The following PDE4B variants were observed in gnomAD, a reference collection of about 807,000 sequenced individuals.
PDE4B encodes the protein 3',5'-cyclic-AMP phosphodiesterase 4B.
In PDE4B, 20 loss-of-function variants were observed where a neutral mutation model predicts 82.2. The ratio of observed to expected loss-of-function variants is 0.24; its 90% confidence interval spans 0.17 to 0.35. The LOEUF (loss-of-function observed/expected upper bound fraction) is 0.35, where lower values mean the gene tolerates loss of function less well. Among genes scored for constraint, PDE4B ranks in the 10% least tolerant of loss-of-function variants. The pLI is 1.00. For synonymous variants in PDE4B, 320 were observed against 318.9 expected, an observed-to-expected ratio of 1.00 and a Z score of -0.04; for missense variants, 655 against 907.2, an observed-to-expected ratio of 0.72 and a Z score of 3.57.
chr1:65,991,570 G>A (rs557382034), intron 3 of PDE4B, among the ~76,000 whole-genome samples: 4 of 151,996 alleles, frequency 2.6e-5, no homozygotes, highest in South Asian at 2.1e-4. Flanking sequence ...AATCATTGCC[G>A]GTATAGACTT....
chr1:66,039,489 T>G (rs12565528), intron 3 of PDE4B, among the ~76,000 whole-genome samples: 7,628 of 152,142 alleles, frequency 0.05, 566 homozygotes, highest in East Asian at 0.36. Flanking sequence ...TTTCCCATTC[T>G]TAGTGGCTGT....
intron 8 of PDE4B, among the ~76,000 whole-genome samples, chr1:66,334,982 A>T (rs544601182): frequency 5.8e-4 from 88 of 152,260 alleles, no homozygotes; most frequent in African/African-American, 2.0e-3. Flanking sequence ...TGGGAACTGA[A>T]TTATCCATGG....
intron 8 of PDE4B, among the ~76,000 whole-genome samples, chr1:66,337,889 G>A (rs79717292): frequency 0.038 from 5,841 of 152,252 alleles, 371 homozygotes; most frequent in African/African-American, 0.13. Context: ...AAAGTGAAAA[G>A]AGCCTAGGAA....
chr1:66,307,302 G>A (rs1238375406), intron 7 of PDE4B, among the ~76,000 whole-genome samples: 1 of 152,156 alleles, frequency 6.6e-6, no homozygotes, highest in African/African-American at 2.4e-5. Context: ...GTAGGTAGAA[G>A]CAATGAAAGC....
intron 3 of PDE4B, among the ~76,000 whole-genome samples, chr1:66,121,052 A>G (rs2101078441): frequency 6.6e-6 from 1 of 152,288 alleles, no homozygotes; most frequent in South Asian, 2.1e-4. Flanking sequence ...TCCACTCTCT[A>G]AAAACCAATC....
chr1:66,089,592 GT>G (rs573244011), intron 3 of PDE4B, among the ~76,000 whole-genome samples: 214 of 151,188 alleles, frequency 1.4e-3, no homozygotes, highest in African/African-American at 4.7e-3. Context: ...GGATACAGAG[GT>G]TTTTTTTTCA....
At chr1:65,922,929 A>G (rs1234570611) in intron 3 of PDE4B, among the ~76,000 whole-genome samples, 2 of 152,184 alleles carry the variant, frequency 1.3e-5, no homozygotes, top group Admixed American at 1.3e-4. Context: ...GGAGTATACC[A>G]GTACTAACTT....
At chr1:66,224,539 T>C (rs1223830417) in intron 3 of PDE4B, among the ~76,000 whole-genome samples, 1 of 152,086 alleles carries the variant, frequency 6.6e-6, no homozygotes, top group Admixed American at 6.6e-5. Flanking sequence ...GGCAACATAG[T>C]GAAACCCCGT....
At chr1:66,325,992 T>C (rs1659724159) in intron 7 of PDE4B, among the ~76,000 whole-genome samples, 1 of 152,196 alleles carries the variant, frequency 6.6e-6, no homozygotes, top group Non-Finnish European at 1.5e-5. Flanking sequence ...TTATGATTTA[T>C]AAACAGCTGG....
intron 1 of PDE4B, among the ~76,000 whole-genome samples, chr1:65,815,992 G>T (rs72931395): frequency 0.017 from 2,533 of 152,148 alleles, 69 homozygotes; most frequent in African/African-American, 0.058. Flanking sequence ...AATAACAACT[G>T]CTTGGCTCGG....
intron 3 of PDE4B, among the ~76,000 whole-genome samples, chr1:66,107,168 T>A (rs1182041258): frequency 6.6e-6 from 1 of 151,844 alleles, no homozygotes; most frequent in African/African-American, 2.4e-5. Flanking sequence ...AAAGAACATC[T>A]GTATTTCTGC....
At chr1:66,039,333 G>A (rs1280500253) in intron 3 of PDE4B, among the ~76,000 whole-genome samples, 1 of 152,060 alleles carries the variant, frequency 6.6e-6, no homozygotes, top group Non-Finnish European at 1.5e-5. Flanking sequence ...TTTGGAAAAT[G>A]CCAATACCTT....
At chr1:65,934,112 A>G (rs1049184272) in intron 3 of PDE4B, among the ~76,000 whole-genome samples, 1 of 152,166 alleles carries the variant, frequency 6.6e-6, no homozygotes, top group Non-Finnish European at 1.5e-5. Flanking sequence ...ATACCTATAG[A>G]AGATACAAAA....
At chr1:66,024,549 C>T (rs1653328417) in intron 3 of PDE4B, among the ~76,000 whole-genome samples, 2 of 152,150 alleles carry the variant, frequency 1.3e-5, no homozygotes, top group African/African-American at 2.4e-5. Context: ...AGAAGCTACA[C>T]CAACTGTGTC....
intron 1 of PDE4B, among the ~76,000 whole-genome samples, chr1:65,900,466 T>G (rs1319543620): frequency 6.6e-6 from 1 of 152,070 alleles, no homozygotes; most frequent in African/African-American, 2.4e-5. Context: ...ACACGAATTT[T>G]AGAATAGTTT....
At chr1:66,193,445 T>G (rs1647998393) in intron 3 of PDE4B, among the ~76,000 whole-genome samples, 1 of 152,136 alleles carries the variant, frequency 6.6e-6, no homozygotes, top group South Asian at 2.1e-4. Flanking sequence ...TCTAGTGTGC[T>G]TCACTTACTT....
chr1:66,074,709 T>G (rs1426880035), intron 3 of PDE4B, among the ~76,000 whole-genome samples: 1 of 152,160 alleles, frequency 6.6e-6, no homozygotes, highest in Non-Finnish European at 1.5e-5. Context: ...CTTAAGTTGT[T>G]GTTCATATGA....
intron 3 of PDE4B, among the ~76,000 whole-genome samples, chr1:65,989,288 G>T: frequency 6.6e-6 from 1 of 152,040 alleles, no homozygotes; most frequent in Admixed American, 6.6e-5. Context: ...ATTACATGAG[G>T]CCAGGAGTTT....
At chr1:66,292,012 G>A (rs921208288) in intron 7 of PDE4B, among the ~76,000 whole-genome samples, 2 of 152,036 alleles carry the variant, frequency 1.3e-5, no homozygotes, top group Non-Finnish European at 2.9e-5. Flanking sequence ...AGAGCCAAAT[G>A]GTACTCATTA....
Sources: allele counts gnomAD v4.1 joint callset (sites outside exome capture counted in the v4.1 genomes callset), GRCh38; gene constraint gnomAD v4.1.1; transcripts MANE v1.5; gene names NCBI Gene and HGNC (gene_info 2026-07-23, HGNC 2026-07-21).